The following ATF7IP variants were observed in gnomAD, a reference collection of about 807,000 sequenced individuals.
The protein encoded by ATF7IP is activating transcription factor 7-interacting protein 1.
ATF7IP carries 23 observed loss-of-function variants against 106.4 expected under a neutral mutation model. The observed-to-expected ratio is 0.22, with a 90% CI of 0.16 to 0.31. The LOEUF is 0.31. ATF7IP is among the 10% of genes least tolerant of loss of function. ATF7IP has a pLI of 1.00. For synonymous variants in ATF7IP, 542 were observed against 539.0 expected, an observed-to-expected ratio of 1.01 and a Z score of -0.08; for missense variants, 1,334 against 1,524.3, an observed-to-expected ratio of 0.88 and a Z score of 2.08.
chr12:14,458,650 C>G (rs887226982), intron 8 of ATF7IP, among the ~76,000 whole-genome samples: 2 of 151,798 alleles, frequency 1.3e-5, no homozygotes, highest in Non-Finnish European at 2.9e-5. Context: ...TAGTGAAACT[C>G]TCTCTCTACA....
In ATF7IP at chr12:14,425,050, C is replaced by T; in HGVS notation, c.1135C>T (p.Leu379Phe). The T allele has an allele frequency of 3.1e-6, 5 of 1,606,738 alleles. No homozygotes were observed. Among genetic ancestry groups the T allele is most frequent in the Middle Eastern group, 1.7e-4 (1 of 6,018 alleles). ...KKVEEDIITE[L>F]ALGEDAISSS... ...GGTAGAGGAAGATATTATCACAGAG[C>T]TTGCTCTTGGAGAAGATGCTATATC... The change falls in exon 2 of 15, where the codon CTT becomes TTT. Residue 379 changes from leucine to phenylalanine, a missense_variant. Leu to Phe is a conservative substitution (Grantham distance 22). Around this residue, in one of 10 missense-constraint regions of ATF7IP, gnomAD observed 438 missense variants for 405.3 expected, o/e 1.08. Transcript: ENST00000261168.
intron 4 of ATF7IP, among the ~76,000 whole-genome samples, chr12:14,437,583 A>G (rs1037422443): frequency 3.9e-5 from 6 of 152,210 alleles, no homozygotes; most frequent in African/African-American, 1.4e-4. Flanking sequence ...TAATGAGAAT[A>G]TGGAACTTTT....
chr12:14,402,377 C>T (rs1940287655), intron 1 of ATF7IP, among the ~76,000 whole-genome samples: 1 of 151,880 alleles, frequency 6.6e-6, no homozygotes, highest in Non-Finnish European at 1.5e-5. Flanking sequence ...ATCCTCTTGT[C>T]CCAGCTTTCC....
At chr12:14,405,436 AC>A (rs1940524610) in intron 1 of ATF7IP, among the ~76,000 whole-genome samples, 1 of 82,738 alleles carries the variant, frequency 1.2e-5, no homozygotes, top group African/African-American at 4.6e-5. Context: ...TTTTTTTGTG[AC>A]AGGATCTCAC....
Position 14,439,593 on chromosome 12 carries a change from G to T in ATF7IP, c.1929+1326G>T, listed in dbSNP as rs146068972. 1.2e-3 allele frequency among the ~76,000 whole-genome samples: 183 copies of T among 152,312 alleles called. 1 individual carries two copies. In the East Asian group the frequency reaches 0.017, roughly 14 times the overall value. On this transcript the variant is annotated intron_variant, in intron 5 of 14. Coordinates refer to ENST00000261168, the MANE Select transcript of ATF7IP (RefSeq NM_018179.5). ...CGCCTGTGAGCTCAGCACTTTAGGA[G>T]GCTGAGGAAGGTGAATCTCTTGAGT...
intron 1 of ATF7IP, among the ~76,000 whole-genome samples, chr12:14,417,328 A>G (rs1941257734): frequency 6.6e-6 from 1 of 152,194 alleles, no homozygotes; most frequent in Non-Finnish European, 1.5e-5. Flanking sequence ...CATTAGATGA[A>G]TTAAACTAAG....
chr12:14,436,359 A>G, intron 4 of ATF7IP, 108 bp downstream of exon 4: 2 of 1,164,078 alleles, frequency 1.7e-6, no homozygotes, highest in Non-Finnish European at 2.4e-6. Flanking sequence ...GTGGTTTATC[A>G]TAGAAAGAAA....
At chr12:14,446,207 G>A (rs1942948942) in intron 5 of ATF7IP, among the ~76,000 whole-genome samples, 2 of 151,926 alleles carry the variant, frequency 1.3e-5, no homozygotes, top group South Asian at 4.2e-4. Context: ...GAGTGCAGTG[G>A]CGCGATCTTG....
chr12:14,446,906 T>G, intron 5 of ATF7IP, 82 bp from the exon 6 acceptor site: 1 of 1,079,982 alleles, frequency 9.3e-7, no homozygotes, highest in Non-Finnish European at 1.3e-6. Context: ...ATAGGTTTCT[T>G]TTTATATATT....
At chr12:14,482,964 T>TA in intron 13 of ATF7IP, among the ~76,000 whole-genome samples, 1 of 152,354 alleles carries the variant, frequency 6.6e-6, no homozygotes, top group East Asian at 1.9e-4. Flanking sequence ...CAATAAATCT[T>TA]ATGTTACGTG....
rs1318056103 is a variant in ATF7IP at position 14,449,549 on chromosome 12, T to C, written c.1995+2496T>C. Among the ~76,000 whole-genome samples, 3 of 151,790 alleles carry C rather than the reference T, an allele frequency of 2.0e-5. No individual in the cohort carries two copies. In the East Asian group the frequency reaches 5.8e-4, roughly 29 times the overall value. ...TTTCGATTATTGTAGCTTTGTAATA[T>C]ATTTTGTGTGGTTCCCCCACCCCCC... On this transcript the variant is annotated intron_variant, in intron 6 of 14. Transcript: ENST00000261168.
chr12:14,490,969 G>A (rs1390050236), intron 13 of ATF7IP, among the ~76,000 whole-genome samples: 1 of 152,118 alleles, frequency 6.6e-6, no homozygotes, highest in East Asian at 1.9e-4. Context: ...CAGGCCAAGA[G>A]CTGTCTCTCA....
intron 1 of ATF7IP, among the ~76,000 whole-genome samples, chr12:14,401,714 C>CTTTTTTTT (rs3083699): frequency 2.7e-4 from 21 of 76,890 alleles, no homozygotes; most frequent in Non-Finnish European, 4.3e-4. Flanking sequence ...AGAGATTAAG[C>CTTTTTTTT]TTTTTTTTTT....
chr12:14,413,857 C>A (rs1941058614), intron 1 of ATF7IP, among the ~76,000 whole-genome samples: 1 of 151,950 alleles, frequency 6.6e-6, no homozygotes, highest in South Asian at 2.1e-4. Flanking sequence ...TTATGCTTAT[C>A]TTTGCATTTA....
At chr12:14,436,910 C>CT (rs1164241872) in intron 4 of ATF7IP, among the ~76,000 whole-genome samples, 2 of 151,706 alleles carry the variant, frequency 1.3e-5, no homozygotes, top group Non-Finnish European at 2.9e-5. Context: ...TCACATTGAA[C>CT]TTTATCTTAT....
chr12:14,476,394 A>C (rs1944262978), intron 11 of ATF7IP: 1 of 141,340 alleles, frequency 7.1e-6, no homozygotes, highest in Non-Finnish European at 1.5e-5. Context: ...CCTGGGTGAC[A>C]GAATGAGGCC....
intron 6 of ATF7IP, among the ~76,000 whole-genome samples, chr12:14,447,381 A>C (rs1943022880): frequency 6.7e-6 from 1 of 149,436 alleles, no homozygotes; most frequent in Non-Finnish European, 1.5e-5. Context: ...TCATGGGTTC[A>C]AGTGATTCTC....
chr12:14,369,237 G>A (rs1432538134), intron 1 of ATF7IP: 1 of 152,036 alleles, frequency 6.6e-6, no homozygotes, highest in African/African-American at 2.4e-5. Flanking sequence ...ACAAGCATGA[G>A]CCACCATGTC....
intron 13 of ATF7IP, among the ~76,000 whole-genome samples, chr12:14,491,003 A>C (rs532297056): frequency 6.6e-6 from 1 of 152,086 alleles, no homozygotes; most frequent in Non-Finnish European, 1.5e-5. Flanking sequence ...TACCTGCAAA[A>C]GATGACAGGG....
Sources: allele counts gnomAD v4.1 joint callset (sites outside exome capture counted in the v4.1 genomes callset), GRCh38; gene constraint gnomAD v4.1.1; regional missense constraint gnomAD v4.1.1; transcripts MANE v1.5; gene names NCBI Gene and HGNC (gene_info 2026-07-23, HGNC 2026-07-21).